Variants in AFTPH observed in about 807,000 individuals in gnomAD.
AFTPH encodes the protein aftiphilin protein.
Under a neutral mutation model 72.5 loss-of-function variants are expected in AFTPH, and 7 were observed. The ratio of observed to expected loss-of-function variants is 0.10; its 90% confidence interval spans 0.05 to 0.18. The LOEUF (loss-of-function observed/expected upper bound fraction) is 0.18, where lower values mean the gene tolerates loss of function less well. Among genes scored for constraint, AFTPH ranks in the 10% least tolerant of loss-of-function variants. The probability of loss-of-function intolerance (pLI) is 1.00; values close to 1 mark genes in which losing one functional copy is unlikely to be tolerated. For missense variants in AFTPH, 979 were observed against 1,060.5 expected (o/e 0.92, Z 1.07); for synonymous variants, 337 against 370.1 (o/e 0.91, Z 1.03).
chr2:64,564,130 T>G (rs1671908052), intron 2 of AFTPH, among the ~76,000 whole-genome samples: 1 of 152,130 alleles, frequency 6.6e-6, no homozygotes, highest in African/African-American at 2.4e-5. Context: ...AGGATGACCT[T>G]GGGAAGGATG....
intron 2 of AFTPH, among the ~76,000 whole-genome samples, chr2:64,562,835 G>T (rs542128679): frequency 4.5e-4 from 69 of 152,118 alleles, no homozygotes; most frequent in African/African-American, 1.5e-3. Context: ...TCCTGAACTG[G>T]GTTAAAATGA....
exon 9 of AFTPH, chr2:64,592,691 T>A (rs903631736): frequency 6.6e-6 from 1 of 152,642 alleles, no homozygotes; most frequent in East Asian, 1.9e-4. Context: ...AAAATCAGTA[T>A]GATTCAGAGA....
chr2:64,544,583 C>T (rs1670451088), intron 1 of AFTPH, among the ~76,000 whole-genome samples: 1 of 151,198 alleles, frequency 6.6e-6, no homozygotes, highest in African/African-American at 2.5e-5. Flanking sequence ...GCTTATCTAT[C>T]CTTTTTTTCC....
intron 1 of AFTPH, among the ~76,000 whole-genome samples, chr2:64,525,194 C>G (rs560930031): frequency 1.3e-5 from 2 of 152,330 alleles, no homozygotes; most frequent in African/African-American, 4.8e-5. Context: ...TCTTCTTGCA[C>G]TCTTCAAGAA....
intron 1 of AFTPH, among the ~76,000 whole-genome samples, chr2:64,545,533 A>G (rs182770308): frequency 1.4e-5 from 2 of 144,162 alleles, no homozygotes; most frequent in African/African-American, 2.5e-5. Context: ...ACAGTTAAAC[A>G]AACTGGTATA....
intron 1 of AFTPH, among the ~76,000 whole-genome samples, chr2:64,536,566 T>TAAAAAAAA (rs142981388): frequency 1.9e-5 from 2 of 107,644 alleles, no homozygotes; most frequent in Non-Finnish European, 2.0e-5. Context: ...GACTCCATCT[T>TAAAAAAAA]AAAAAAAAAA....
At chr2:64,562,331 C>T (rs983166697) in intron 2 of AFTPH, among the ~76,000 whole-genome samples, 7 of 146,944 alleles carry the variant, frequency 4.8e-5, no homozygotes, top group African/African-American at 1.3e-4. Context: ...TAAATGAAGG[C>T]GAAGTGCTTT....
At chr2:64,554,062 A>G (rs1207126373) in intron 2 of AFTPH, among the ~76,000 whole-genome samples, 2 of 152,222 alleles carry the variant, frequency 1.3e-5, no homozygotes, top group East Asian at 3.8e-4. Flanking sequence ...GTCCTAAAAT[A>G]AGAAATAACT....
Position 64,551,445 on chromosome 2 carries a change from G to A in AFTPH, c.-30G>A, listed in dbSNP as rs752747555. ...AATTCTTTTTTTCTTTTTTACAGGT[G>A]TAAATTAATTATTTGAAAGCAACTG... On this transcript the variant is annotated splice_region_variant and 5_prime_UTR_variant, in exon 2 of 9. Coordinates refer to ENST00000238856, the Ensembl canonical transcript of AFTPH. 188 of 1,582,986 alleles carry A rather than the reference G, an allele frequency of 1.2e-4. No individual in the cohort carries two copies. The highest frequency in any genetic ancestry group is 1.3e-4 in the Non-Finnish European group (153 of 1,167,274).
chr2:64,547,056 T>C lies in AFTPH; in HGVS notation c.-32-4387T>C, dbSNP rs554370063. ...AGAGCTAGACTCTGTCTCAAAAAAA[T>C]ACATACATACATACATACATACTAC... On this transcript the variant is annotated intron_variant, in intron 1 of 8. Transcript: ENST00000238856. Among the ~76,000 whole-genome samples, 4 of 151,682 alleles carry C rather than the reference T, an allele frequency of 2.6e-5. No individual in the cohort carries two copies. The East Asian group carries it at 7.8e-4, about 29-fold the overall frequency.
chr2:64,524,461 G>C, exon 1 of AFTPH: 2 of 402,224 alleles, frequency 5.0e-6, no homozygotes. Flanking sequence ...CTCCGGGTGG[G>C]CGTCCATGGT....
chr2:64,571,128 G>A (rs1055974261), intron 5 of AFTPH, among the ~76,000 whole-genome samples: 52 of 151,780 alleles, frequency 3.4e-4, no homozygotes, highest in African/African-American at 1.2e-3. Flanking sequence ...ACACATTTGA[G>A]ATGTTCAATA....
At chr2:64,525,399 GC>G (rs1039012876) in intron 1 of AFTPH, 47 of 154,284 alleles carry the variant, frequency 3.0e-4, no homozygotes, top group African/African-American at 1.0e-3. Flanking sequence ...GCAAGTTATA[GC>G]TTGGTTATAC....
chr2:64,590,343 A>G (rs1289872720), intron 8 of AFTPH, among the ~76,000 whole-genome samples: 1 of 152,156 alleles, frequency 6.6e-6, no homozygotes, highest in African/African-American at 2.4e-5. Context: ...TAAATTGGAA[A>G]TTATATCTAA....
chr2:64,551,591 T>C, exon 2 of AFTPH: 1 of 1,614,140 alleles, frequency 6.2e-7, no homozygotes, highest in Non-Finnish European at 8.5e-7. Flanking sequence ...AAGTTAGCCC[T>C]TCTGGTGTAG....
chr2:64,563,150 G>T (rs1261207509), intron 2 of AFTPH, among the ~76,000 whole-genome samples: 3 of 152,128 alleles, frequency 2.0e-5, no homozygotes, highest in Non-Finnish European at 4.4e-5. Context: ...AGTAATATAA[G>T]CAAAGTTCCT....
At chr2:64,539,290 T>G (rs1473411816) in intron 1 of AFTPH, among the ~76,000 whole-genome samples, 7 of 152,210 alleles carry the variant, frequency 4.6e-5, no homozygotes, top group Non-Finnish European at 1.0e-4. Context: ...CACCTCTGCT[T>G]ATGCTGAGGA....
exon 9 of AFTPH, chr2:64,592,391 C>T (rs1200338253): frequency 1.3e-5 from 2 of 159,666 alleles, no homozygotes; most frequent in Admixed American, 1.3e-4. Context: ...GTGAAATCCC[C>T]TTCAGTCTTT....
At chr2:64,548,427 A>AC (rs1670803042) in intron 1 of AFTPH, among the ~76,000 whole-genome samples, 1 of 150,334 alleles carries the variant, frequency 6.7e-6, no homozygotes, top group Non-Finnish European at 1.5e-5. Context: ...AAAAAAAAAA[A>AC]AAAAAAAACT....
Sources: allele counts gnomAD v4.1 joint callset (sites outside exome capture counted in the v4.1 genomes callset), GRCh38; gene constraint gnomAD v4.1.1; transcripts MANE v1.5; gene names NCBI Gene and HGNC (gene_info 2026-07-23, HGNC 2026-07-21).